The following SEPTIN8 variants were observed in gnomAD, a reference collection of about 807,000 sequenced individuals.
SEPTIN8 encodes septin 8.
In SEPTIN8, 22 loss-of-function variants were observed where a neutral mutation model predicts 53.1. The observed-to-expected ratio is 0.41, with a 90% CI of 0.30 to 0.59. SEPTIN8 has a LOEUF of 0.59. Ranked by LOEUF, SEPTIN8 falls within the 20% of genes least tolerant of loss-of-function variation. The pLI is 0.24. For synonymous variants in SEPTIN8, 228 were observed against 248.4 expected (o/e 0.92, Z 0.77); for missense variants, 536 against 638.7 (o/e 0.84, Z 1.73).
Position 132,770,090 on chromosome 5 carries a change from T to C in SEPTIN8, c.31-4561A>G, listed in dbSNP as rs1446892097. Among the ~76,000 whole-genome samples the C allele has an allele frequency of 3.1e-3, 108 of 35,370 alleles. 2 individuals are homozygous for C. The highest frequency in any genetic ancestry group is 0.028 in the African/African-American group (102 of 3,610). The allele number at this position is 35,370 out of a possible 152,430, so 23.2% of individuals were successfully genotyped here. A position where few individuals can be genotyped will look rare whatever the true frequency, so the allele number is the denominator to read the frequency against. On this transcript the variant is annotated intron_variant, in intron 1 of 9. Transcript: ENST00000378719. ...ATATATATATATATATGTATATATG[T>C]ATATATATATGTATATATGTATATA... is the stretch of plus-strand genomic sequence containing the variant.
rs1212068323 is a variant in SEPTIN8, at chr5:132,764,358, A to G, written c.213T>C (p.Thr71=). The G allele has an allele frequency of 1.2e-6, 2 of 1,613,756 alleles. No homozygotes were observed. The highest frequency in any genetic ancestry group is 1.7e-6 in the Non-Finnish European group (2 of 1,179,918). ...MNTLFNTTFE[T]EEASHHEACV... ...ATGCCTCATGGTGACTGGCTTCCTCAGTCTCGAAGGTCGTGTTGAAGAGTG... is the reference window on the plus strand; with the variant it reads ...ATGCCTCATGGTGACTGGCTTCCTCGGTCTCGAAGGTCGTGTTGAAGAGTG... The change falls in exon 3 of 10, where the codon ACT becomes ACC. Residue 71 remains threonine, a synonymous_variant. Transcript: ENST00000378719.
In SEPTIN8 at chr5:132,768,339, C is replaced by G. The variant is rs554044516; in HGVS notation, c.31-2810G>C. Reference sequence around the variant, plus strand: ...GCATGCACACACACACGTACACACACAGAATGGCCACTGGCCCTGATGGAG... The same window carrying G: ...GCATGCACACACACACGTACACACAGAGAATGGCCACTGGCCCTGATGGAG... On this transcript the variant is annotated intron_variant, in intron 1 of 9. Transcript: ENST00000378719. Among the ~76,000 whole-genome samples the G allele has an allele frequency of 3.9e-5, 6 of 152,320 alleles. No homozygotes were observed. In the South Asian group the frequency reaches 1.2e-3, roughly 32 times the overall value.
chr5:132,758,791 C>G, intron 9 of SEPTIN8: 1 of 1,614,058 alleles, frequency 6.2e-7, no homozygotes, highest in Non-Finnish European at 8.5e-7. Context: ...AGTCTAAAGT[C>G]CACTCTTGAC....
intron 3 of SEPTIN8, 49 bp downstream of exon 3, chr5:132,764,175 T>C: frequency 2.6e-6 from 4 of 1,561,424 alleles, no homozygotes; most frequent in Non-Finnish European, 2.6e-6. Flanking sequence ...GGGGCCAATG[T>C]AGGTGGGGTG....
Position 132,762,545 on chromosome 5 carries a change from A to C in SEPTIN8, c.635T>G (p.Val212Gly), listed in dbSNP as rs2149973311. ...ATCCGTGGGGAACTGGTAGATCTGG[A>C]CCCCGTTGCTGACCAACTCGCCCAT... Reference protein sequence around the residue: ...KIMGELVSNGVQIYQFPTDDE... With the variant: ...KIMGELVSNGGQIYQFPTDDE... The change falls in exon 5 of 10, where the codon GTC (valine) becomes GGC (glycine). Residue 212 changes from valine to glycine, a missense_variant. Physicochemically the swap from Val to Gly is moderately radical, Grantham distance 109 (BLOSUM62 -3). Around this residue, in one of 3 missense-constraint regions of SEPTIN8, gnomAD observed 395 missense variants for 451.8 expected, o/e 0.87. Coordinates refer to ENST00000378719, the MANE Select transcript of SEPTIN8 (RefSeq NM_001098811.2). 6.2e-7 allele frequency: 1 copy of C among 1,613,942 alleles called. No homozygotes were observed. The highest frequency in any genetic ancestry group is 8.5e-7 in the Non-Finnish European group (1 of 1,179,932).
chr5:132,777,470 G>C, upstream of SEPTIN8: 1 of 980,642 alleles, frequency 1.0e-6, no homozygotes, highest in Non-Finnish European at 1.2e-6. This position sits in a 1 kb window ranked among gnomAD's most constrained non-coding sequence, Gnocchi z 4.1. Context: ...CGGGACGGCA[G>C]TGTCGGGGGG....
At chr5:132,752,885 G>C in intron 9 of SEPTIN8, 1 of 1,613,900 alleles carries the variant, frequency 6.2e-7, no homozygotes, top group Non-Finnish European at 8.5e-7. Flanking sequence ...ATGCAGTACA[G>C]CTGCTGCAAG....
intron 9 of SEPTIN8, chr5:132,757,973 T>C (rs1255851399): frequency 1.1e-5 from 11 of 986,398 alleles, no homozygotes; most frequent in Non-Finnish European, 1.3e-5. Flanking sequence ...GGAGTCTTAA[T>C]TGGAGTCAAA....
At chr5:132,762,217 G>C (rs1030406668) in intron 5 of SEPTIN8, among the ~76,000 whole-genome samples, 1 of 152,180 alleles carries the variant, frequency 6.6e-6, no homozygotes, top group Non-Finnish European at 1.5e-5. Flanking sequence ...CCTTAAGCCT[G>C]CTCAACTGCT....
chr5:132,763,686 G>A lies in SEPTIN8; in HGVS notation c.534+20C>T. 1 of 1,607,196 alleles carries A rather than the reference G, an allele frequency of 6.2e-7. No individual in the cohort carries two copies. The highest frequency in any genetic ancestry group is 1.3e-5 in the African/African-American group (1 of 74,870). On this transcript the variant is annotated intron_variant, in intron 4 of 9. Coordinates refer to ENST00000378719, the MANE Select transcript of SEPTIN8 (RefSeq NM_001098811.2). Reference sequence around the variant, plus strand: ...GCAGAAGACTATGGAGCCTGTGACAGCAGGTGGGGACAGGGATACCTTGCT... The same window carrying A: ...GCAGAAGACTATGGAGCCTGTGACAACAGGTGGGGACAGGGATACCTTGCT...
chr5:132,769,458 A>G (rs1756950145), intron 1 of SEPTIN8, among the ~76,000 whole-genome samples: 1 of 152,208 alleles, frequency 6.6e-6, no homozygotes, highest in Admixed American at 6.5e-5. Flanking sequence ...CCTAAACTCA[A>G]ATGCCTTTAG....
chr5:132,762,663 G>T lies in SEPTIN8; in HGVS notation c.535-18C>A, dbSNP rs774173068. 1 of 1,613,978 alleles carries T rather than the reference G, an allele frequency of 6.2e-7. No individual in the cohort carries two copies. Among genetic ancestry groups the T allele is most frequent in the East Asian group, 2.2e-5 (1 of 44,890 alleles). On this transcript the variant is annotated intron_variant, in intron 4 of 9. Coordinates refer to ENST00000378719, the MANE Select transcript of SEPTIN8 (RefSeq NM_001098811.2). ...ATGTTCACCTGCCAGGATCAGGGGA[G>T]GGGACAGCAGGCTGGTTGGCTCTTT... is the stretch of plus-strand genomic sequence containing the variant.
At chr5:132,770,041 A>ATGTG (rs1180280053) in intron 1 of SEPTIN8, among the ~76,000 whole-genome samples, 2 of 82,900 alleles carry the variant, frequency 2.4e-5, no homozygotes, top group African/African-American at 4.6e-5. Context: ...ATATATATAT[A>ATGTG]TGTGTGTGTG....
chr5:132,770,113 A>ATG (rs1393460022), intron 1 of SEPTIN8, among the ~76,000 whole-genome samples: 2 of 74,228 alleles, frequency 2.7e-5, no homozygotes, highest in Non-Finnish European at 4.0e-5. Flanking sequence ...ATATATGTAT[A>ATG]TATATATATA....
rs1756027250 is a variant in SEPTIN8, at chr5:132,761,989, C to T, written c.697-93G>A. 3.7e-6 allele frequency: 4 copies of T among 1,095,118 alleles called. No individual in the cohort carries two copies. The highest frequency in any genetic ancestry group is 2.6e-6 in the Non-Finnish European group (2 of 765,482). The allele number at this position is 1,095,118 out of a possible 1,614,324, so 67.8% of individuals were successfully genotyped here. A position where few individuals can be genotyped will look rare whatever the true frequency, so the allele number is the denominator to read the frequency against. On this transcript the variant is annotated intron_variant, in intron 5 of 9. Coordinates refer to ENST00000378719, the MANE Select transcript of SEPTIN8 (RefSeq NM_001098811.2). This position sits in a 1 kb window ranked among gnomAD's most constrained non-coding sequence, Gnocchi z 5.8. ...GCCCCTGGGTCCTAGGGAGGGGCAG[C>T]CAGACCTGAACAAAGGCTCCAGGGC...
chr5:132,771,139 G>A (rs1318256682), intron 1 of SEPTIN8, among the ~76,000 whole-genome samples: 1 of 152,208 alleles, frequency 6.6e-6, no homozygotes, highest in South Asian at 2.1e-4. Flanking sequence ...TCCTAGAGCA[G>A]CCCTCATCAC....
Position 132,763,862 on chromosome 5 carries a change from C to T in SEPTIN8, c.378G>A (p.Ala126=), listed in dbSNP as rs745990013. ...CCTCCTGCAGATAATTTTCAAACTGCGCATCGATGTAGTCAACTATGGGCC... is the reference window on the plus strand; with the variant it reads ...CCTCCTGCAGATAATTTTCAAACTGTGCATCGATGTAGTCAACTATGGGCC... The part of the protein sequence containing the change: ...SYRPIVDYID[A]QFENYLQEEL... Residue 126 remains alanine (A), a synonymous_variant, in exon 4 of 10, where the codon GCG becomes GCA. Transcript: ENST00000378719. The T allele has an allele frequency of 1.3e-5, 21 of 1,595,280 alleles. No individual in the cohort carries two copies. The highest frequency in any genetic ancestry group is 4.5e-5 in the East Asian group (2 of 44,724).
chr5:132,762,910 C>G (rs1021614338), intron 4 of SEPTIN8, among the ~76,000 whole-genome samples: 4 of 152,162 alleles, frequency 2.6e-5, no homozygotes, highest in African/African-American at 9.7e-5. Context: ...AACTGGTCCC[C>G]CTAGGCATAC....
chr5:132,751,772 C>T lies in SEPTIN8; in HGVS notation c.*244G>A, dbSNP rs1256917290. 4.7e-6 allele frequency: 3 copies of T among 640,522 alleles called. No homozygotes were observed. The highest frequency in any genetic ancestry group is 7.8e-6 in the Non-Finnish European group (3 of 382,504). The allele number at this position is 640,522 out of a possible 1,614,324, so 39.7% of individuals were successfully genotyped here. ...GCAGACTTTTTTTTTTTTTTGGTCC[C>T]GGAGTGGAAGCTCAGCTTGGCCACA... On this transcript the variant is annotated 3_prime_UTR_variant, in exon 10 of 10. Coordinates refer to ENST00000378719, the MANE Select transcript of SEPTIN8 (RefSeq NM_001098811.2).
Sources: gnomAD v4.1 joint callset for allele counts (sites outside exome capture counted in the v4.1 genomes callset) on GRCh38, gnomAD v4.1.1 for gene constraint, gnomAD v4.1.1 regional missense constraint, Gnocchi (gnomAD v3.1) non-coding constraint, MANE v1.5 for transcripts, NCBI Gene and HGNC (gene_info 2026-07-23, HGNC 2026-07-21) for gene names.